ADGRL2: variants seen among roughly 807,000 people sequenced by gnomAD.
ADGRL2 encodes calcium-independent alpha-latrotoxin receptor 2.
In ADGRL2, 44 loss-of-function variants were observed where a neutral mutation model predicts 157.4. The observed-to-expected ratio is 0.28, with a 90% CI of 0.22 to 0.36. ADGRL2 has a LOEUF of 0.36. ADGRL2 is among the 10% of genes least tolerant of loss of function. The pLI, the probability that ADGRL2 is intolerant of heterozygous loss-of-function variation, is 1.00. For synonymous variants in ADGRL2, 585 were observed against 624.7 expected, an observed-to-expected ratio of 0.94 and a Z score of 0.95; for missense variants, 1,510 against 1,768.9, an observed-to-expected ratio of 0.85 and a Z score of 2.63.
At chr1:81,370,506 T>TA (rs1449114825) in intron 1 of ADGRL2, among the ~76,000 whole-genome samples, 1 of 152,106 alleles carries the variant, frequency 6.6e-6, no homozygotes, top group African/African-American at 2.4e-5. Context: ...GAAACTGAAA[T>TA]AAGTGCTATT....
chr1:81,685,464 T>G (rs1193935103), intron 3 of ADGRL2, among the ~76,000 whole-genome samples: 2 of 152,204 alleles, frequency 1.3e-5, no homozygotes, highest in East Asian at 3.8e-4. Flanking sequence ...GAAAAGCTAC[T>G]GAATTGTGTG....
chr1:81,389,005 A>T (rs893563493), intron 1 of ADGRL2, among the ~76,000 whole-genome samples: 8 of 152,112 alleles, frequency 5.3e-5, no homozygotes, highest in Admixed American at 2.0e-4. Flanking sequence ...ATCTGACAGA[A>T]ATCAAAAATA....
At chr1:81,691,761 A>G (rs1438912875) in intron 3 of ADGRL2, among the ~76,000 whole-genome samples, 1 of 151,524 alleles carries the variant, frequency 6.6e-6, no homozygotes, top group Non-Finnish European at 1.5e-5. Flanking sequence ...AGCCTCCCAA[A>G]GTTCTGGGAT....
chr1:81,829,508 A>G (rs1437863640), intron 1 of ADGRL2, among the ~76,000 whole-genome samples: 1 of 152,112 alleles, frequency 6.6e-6, no homozygotes, highest in Non-Finnish European at 1.5e-5. Context: ...GTTGTTTTGA[A>G]TTTTCGTTAT....
chr1:81,527,454 G>A (rs1250169651), intron 2 of ADGRL2, among the ~76,000 whole-genome samples: 1 of 152,220 alleles, frequency 6.6e-6, no homozygotes, highest in African/African-American at 2.4e-5. Flanking sequence ...GCTCAGGCCT[G>A]TAATCTCAGC....
chr1:81,922,074 T>C (rs2148618280), intron 3 of ADGRL2, among the ~76,000 whole-genome samples: 1 of 152,306 alleles, frequency 6.6e-6, no homozygotes, highest in South Asian at 2.1e-4. Flanking sequence ...TCAAAGGCTC[T>C]GTAGTCTGGT....
intron 3 of ADGRL2, among the ~76,000 whole-genome samples, chr1:81,691,084 T>C (rs1169147234): frequency 6.6e-6 from 1 of 152,196 alleles, no homozygotes; most frequent in African/African-American, 2.4e-5. Context: ...CTGAATACAT[T>C]GCACGAAAAT....
chr1:81,311,700 G>A (rs185583581), intron 1 of ADGRL2, among the ~76,000 whole-genome samples: 6 of 152,234 alleles, frequency 3.9e-5, no homozygotes, highest in South Asian at 4.1e-4. Flanking sequence ...CTGAGCCTAC[G>A]CTCTCTGACA....
intron 1 of ADGRL2, among the ~76,000 whole-genome samples, chr1:81,430,490 T>A (rs2077300111): frequency 6.6e-6 from 1 of 152,136 alleles, no homozygotes; most frequent in African/African-American, 2.4e-5. Context: ...GAAAAGGGGC[T>A]TGGTGTGTTT....
intron 3 of ADGRL2, among the ~76,000 whole-genome samples, chr1:81,616,643 T>C (rs2081653030): frequency 6.8e-6 from 1 of 146,668 alleles, no homozygotes; most frequent in Non-Finnish European, 1.5e-5. Context: ...TCTAGTTTTT[T>C]GGGTTTTTTT....
chr1:81,636,278 TG>T (rs2082113215), intron 3 of ADGRL2, among the ~76,000 whole-genome samples: 1 of 152,236 alleles, frequency 6.6e-6, no homozygotes, highest in African/African-American at 2.4e-5. Flanking sequence ...TATTTGTGTA[TG>T]GGTGTAGGAA....
chr1:81,865,208 C>G (rs938686286), intron 2 of ADGRL2, among the ~76,000 whole-genome samples: 1 of 152,080 alleles, frequency 6.6e-6, no homozygotes, highest in Non-Finnish European at 1.5e-5. Flanking sequence ...TTTTGTTTTT[C>G]TAAAATTTAA....
chr1:81,863,773 A>T (rs746049965), intron 2 of ADGRL2, among the ~76,000 whole-genome samples: 3 of 152,208 alleles, frequency 2.0e-5, no homozygotes, highest in Non-Finnish European at 4.4e-5. Context: ...TGATTTGTAC[A>T]TATTTAGCTG....
chr1:81,641,007 A>G (rs2082209629), intron 3 of ADGRL2, among the ~76,000 whole-genome samples: 1 of 152,210 alleles, frequency 6.6e-6, no homozygotes, highest in South Asian at 2.1e-4. Context: ...AAGGATTAAT[A>G]TATTCTTTGT....
At chr1:81,767,869 GA>G (rs1225496041) in intron 2 of ADGRL2, among the ~76,000 whole-genome samples, 2,128 of 112,144 alleles carry the variant, frequency 0.019, 24 homozygotes, top group African/African-American at 0.035. Flanking sequence ...AAAAAAAAAA[GA>G]AAAAAAAAAA....
chr1:81,832,229 C>T (rs1269362758), intron 1 of ADGRL2, among the ~76,000 whole-genome samples: 2 of 152,280 alleles, frequency 1.3e-5, no homozygotes, highest in South Asian at 2.1e-4. Context: ...GCAACCTCCA[C>T]CTCTCGGGTT....
chr1:81,505,837 T>C (rs908918104), intron 2 of ADGRL2, among the ~76,000 whole-genome samples: 1 of 151,804 alleles, frequency 6.6e-6, no homozygotes, highest in African/African-American at 2.4e-5. Flanking sequence ...CTTTCTGATA[T>C]CCACCTCAGC....
At chr1:81,398,291 T>G (rs903447914) in intron 1 of ADGRL2, among the ~76,000 whole-genome samples, 5 of 152,170 alleles carry the variant, frequency 3.3e-5, no homozygotes, top group South Asian at 2.1e-4. Context: ...AGGAATGTAA[T>G]TTGTTTACAT....
intron 1 of ADGRL2, among the ~76,000 whole-genome samples, chr1:81,351,272 A>G (rs1168486944): frequency 2.0e-5 from 3 of 151,614 alleles, no homozygotes; most frequent in Non-Finnish European, 4.4e-5. Context: ...TGTTTCACTG[A>G]AAGTGTTTTT....
Sources: gnomAD v4.1 joint callset for allele counts (sites outside exome capture counted in the v4.1 genomes callset) on GRCh38, gnomAD v4.1.1 for gene constraint, MANE v1.5 for transcripts, NCBI Gene and HGNC (gene_info 2026-07-23, HGNC 2026-07-21) for gene names.